UBE3B: variants seen among roughly 807,000 people sequenced by gnomAD.
UBE3B encodes ubiquitin-protein ligase E3B.
UBE3B carries 80 observed loss-of-function variants against 132.3 expected under a neutral mutation model. That is an observed-to-expected ratio of 0.60 (90% CI 0.50 to 0.73). The LOEUF is 0.73. UBE3B is among the 30% of genes least tolerant of loss of function. UBE3B has a pLI of 0.00. For missense variants in UBE3B, 1,196 were observed against 1,362.5 expected (o/e 0.88, Z 1.92); for synonymous variants, 487 against 520.4 (o/e 0.94, Z 0.87).
chr12:109,512,400 T>G (rs1880486916), intron 18 of UBE3B, among the ~76,000 whole-genome samples: 1 of 151,684 alleles, frequency 6.6e-6, no homozygotes, highest in Admixed American at 6.6e-5. Flanking sequence ...GAGAGAGACT[T>G]GGGGAGGATT....
At chr12:109,478,887 G>C (rs960892798) in intron 1 of UBE3B, among the ~76,000 whole-genome samples, 1 of 152,236 alleles carries the variant, frequency 6.6e-6, no homozygotes, top group Non-Finnish European at 1.5e-5. Flanking sequence ...AGTGGTGGTG[G>C]TCATTAAACC....
At chr12:109,507,801 G>A (rs1449059174) in intron 15 of UBE3B, 66 bp downstream of exon 15, 34 of 1,526,864 alleles carry the variant, frequency 2.2e-5, no homozygotes, top group Non-Finnish European at 2.8e-5. Flanking sequence ...TACAGTGTCA[G>A]TAAGGAAGTA....
intron 15 of UBE3B, chr12:109,508,330 A>G (rs1280232753): frequency 1.0e-5 from 2 of 198,304 alleles, no homozygotes; most frequent in Non-Finnish European, 1.8e-5. Context: ...AACCTCTTTG[A>G]GTCTCTATTT....
chr12:109,504,597 C>T (rs1879416737), intron 14 of UBE3B, among the ~76,000 whole-genome samples: 1 of 152,128 alleles, frequency 6.6e-6, no homozygotes, highest in Non-Finnish European at 1.5e-5. Flanking sequence ...GGGAAAGGGG[C>T]CTGCTGGGCA....
rs750469973 is a variant in UBE3B, at chr12:109,483,896, C to T, written c.197C>T (p.Pro66Leu). 1.2e-6 allele frequency: 2 copies of T among 1,613,968 alleles called. No individual in the cohort carries two copies. Among genetic ancestry groups the T allele is most frequent in the Non-Finnish European group, 1.7e-6 (2 of 1,179,930 alleles). ...EIDDFFKADD[P>L]ESTKRSALCI... ...GATGACTTTTTTAAAGCAGATGACC[C>T]TGAGTCCACTAAAAGAAGTGCACTT... Residue 66 changes from proline (P) to leucine (L), a missense_variant, in exon 4 of 28, where the codon CCT becomes CTT. Transcript: ENST00000342494.
At chr12:109,514,213 A>G (rs1395848085) in intron 18 of UBE3B, among the ~76,000 whole-genome samples, 9 of 152,120 alleles carry the variant, frequency 5.9e-5, no homozygotes, top group Non-Finnish European at 1.3e-4. Flanking sequence ...GTTTACCCAG[A>G]AGGCCTAAGA....
chr12:109,478,263 C>A (rs1409256700), intron 1 of UBE3B, among the ~76,000 whole-genome samples, 154 bp downstream of exon 1: 1 of 152,150 alleles, frequency 6.6e-6, no homozygotes, highest in South Asian at 2.1e-4. Context: ...CCAGCTTAGC[C>A]CCCACAGGCA....
At chr12:109,513,286 C>T (rs550974136) in intron 18 of UBE3B, among the ~76,000 whole-genome samples, 45 of 152,202 alleles carry the variant, frequency 3.0e-4, no homozygotes, top group African/African-American at 1.0e-3. Context: ...CTGTGGTTCA[C>T]GTGTGCTGTG....
In UBE3B at chr12:109,490,015, C is replaced by G. The variant is rs1347166824; in HGVS notation, c.630+11C>G. 1 of 1,613,656 alleles carries G rather than the reference C, an allele frequency of 6.2e-7. No individual in the cohort carries two copies. The highest frequency in any genetic ancestry group is 1.7e-5 in the Admixed American group (1 of 60,034). The stretch of plus-strand genomic sequence containing the variant: ...TATTCTGTGCTGCAGGTCTGTGACT[C>G]CTGCCCCCCAGTGTGCAACTTCTCC... On this transcript the variant is annotated intron_variant, in intron 8 of 27. Transcript: ENST00000342494.
At chr12:109,478,472 T>C (rs574858098) in intron 1 of UBE3B, among the ~76,000 whole-genome samples, 2 of 152,338 alleles carry the variant, frequency 1.3e-5, no homozygotes, top group African/African-American at 4.8e-5. Flanking sequence ...GTGTTTCCTA[T>C]TCTTTAAATA....
the UBE3B span, among the ~76,000 whole-genome samples, chr12:109,541,896 G>T: frequency 1.3e-5 from 2 of 152,206 alleles, no homozygotes; most frequent in East Asian, 3.9e-4. Flanking sequence ...AGAAGGACTT[G>T]TCCTTGAATT....
chr12:109,526,468 T>C, intron 24 of UBE3B, 52 bp downstream of exon 24: 2 of 1,551,328 alleles, frequency 1.3e-6, no homozygotes, highest in Middle Eastern at 3.4e-4. Context: ...GACTTCATTC[T>C]GGCTCTCTGC....
chr12:109,506,483 G>A (rs1377372146), intron 14 of UBE3B, among the ~76,000 whole-genome samples: 1 of 152,166 alleles, frequency 6.6e-6, no homozygotes, highest in African/African-American at 2.4e-5. Flanking sequence ...TGAGCAGCTG[G>A]GATTACAGGT....
intron 14 of UBE3B, among the ~76,000 whole-genome samples, chr12:109,504,541 C>T (rs992504686): frequency 3.9e-5 from 6 of 152,100 alleles, no homozygotes; most frequent in African/African-American, 1.4e-4. Flanking sequence ...TGGAGAAGAC[C>T]GGGGGCAGGG....
intron 8 of UBE3B, chr12:109,490,588 T>C (rs1264953456): frequency 6.5e-7 from 1 of 1,535,994 alleles, no homozygotes; most frequent in Admixed American, 2.0e-5. Context: ...GGCAGTTGTC[T>C]CGCTAGAGGA....
intron 22 of UBE3B, 48 bp from the exon 23 acceptor site, chr12:109,524,390 A>G: frequency 6.2e-7 from 1 of 1,609,362 alleles, no homozygotes; most frequent in South Asian, 1.1e-5. Context: ...CCTCTTAAGC[A>G]CATAGTGCTC....
intron 12 of UBE3B, among the ~76,000 whole-genome samples, chr12:109,500,192 C>T (rs1460637793): frequency 6.6e-6 from 1 of 152,034 alleles, no homozygotes; most frequent in Non-Finnish European, 1.5e-5. Context: ...ACAAATGATT[C>T]AAAGGGAATA....
At chr12:109,533,712 C>T (rs1277100604) in intron 27 of UBE3B, 154 bp downstream of exon 27, 5 of 872,694 alleles carry the variant, frequency 5.7e-6, no homozygotes, top group African/African-American at 1.7e-5. Flanking sequence ...ACAGTTCTCA[C>T]GGCAGGAGAA....
chr12:109,533,442 C>T (rs777969427), intron 26 of UBE3B, 24 bp from the exon 27 acceptor site: 1 of 1,608,846 alleles, frequency 6.2e-7, no homozygotes, highest in Admixed American at 1.7e-5. Context: ...GCCCCGTCCC[C>T]ACTGACCCTG....
Sources: gnomAD v4.1 joint callset for allele counts (sites outside exome capture counted in the v4.1 genomes callset) on GRCh38, gnomAD v4.1.1 for gene constraint, MANE v1.5 for transcripts, NCBI Gene and HGNC (gene_info 2026-07-23, HGNC 2026-07-21) for gene names.